Variants in IL1RAPL1 observed in about 807,000 individuals in gnomAD.
IL1RAPL1 encodes the protein interleukin 1 receptor accessory protein like 1, also known as interleukin-1 receptor accessory protein-like 1.
In IL1RAPL1, 3 loss-of-function variants were observed where a neutral mutation model predicts 48.4. The observed-to-expected ratio is 0.06, with a 90% CI of 0.03 to 0.16. The LOEUF is 0.16. Ranked by LOEUF, IL1RAPL1 falls within the 10% of genes least tolerant of loss-of-function variation. The pLI is 1.00. For missense variants in IL1RAPL1, 349 were observed against 530.6 expected (o/e 0.66, Z 3.36); for synonymous variants, 185 against 187.7 (o/e 0.99, Z 0.12).
intron 1 of IL1RAPL1, among the ~76,000 whole-genome samples, chrX:28,735,409 C>T (rs1198904840): frequency 4.4e-5 from 3 of 68,195 alleles, no homozygotes; most frequent in Non-Finnish European, 7.7e-5. Context: ...ATGCAATGTA[C>T]GTGTTCACGC....
chrX:28,641,203 A>G (rs947922160), intron 1 of IL1RAPL1, among the ~76,000 whole-genome samples: 5 of 109,460 alleles, frequency 4.6e-5, no homozygotes, highest in African/African-American at 1.7e-4. Context: ...TCCTAATGCT[A>G]TCCCTCCCCC....
At chrX:29,209,698 T>G (rs1930734307) in intron 2 of IL1RAPL1, among the ~76,000 whole-genome samples, 1 of 112,302 alleles carries the variant, frequency 8.9e-6, no homozygotes, top group South Asian at 3.7e-4. Context: ...AGCACTGTAA[T>G]GAATAGCCTT....
intron 5 of IL1RAPL1, among the ~76,000 whole-genome samples, chrX:29,562,124 A>ATCTG (rs755712777): frequency 0.018 from 835 of 46,991 alleles, 3 homozygotes; most frequent in Non-Finnish European, 0.022. Flanking sequence ...TAATCTATCT[A>ATCTG]TCTATCTATC....
chrX:28,918,556 A>G (rs750837655), intron 2 of IL1RAPL1, among the ~76,000 whole-genome samples: 4 of 112,227 alleles, frequency 3.6e-5, no homozygotes, highest in Non-Finnish European at 7.5e-5. Context: ...AAGTTGGAGG[A>G]CTGATCACAT....
chrX:29,333,899 G>T (rs1370421436), intron 3 of IL1RAPL1, among the ~76,000 whole-genome samples: 16 of 79,999 alleles, frequency 2.0e-4, no homozygotes, highest in African/African-American at 3.4e-4. Flanking sequence ...CTCACCTCCC[G>T]GACGGGGCGG....
intron 5 of IL1RAPL1, among the ~76,000 whole-genome samples, chrX:29,417,636 C>T (rs953310476): frequency 8.1e-5 from 9 of 111,415 alleles, no homozygotes; most frequent in Non-Finnish European, 1.3e-4. Flanking sequence ...TTACAAATAT[C>T]GTGGACAATG....
chrX:29,509,362 A>C (rs1030737369), intron 5 of IL1RAPL1, among the ~76,000 whole-genome samples: 1 of 112,011 alleles, frequency 8.9e-6, no homozygotes, highest in Non-Finnish European at 1.9e-5. Context: ...CTGGTCTACA[A>C]ATATTTTCTC....
At chrX:29,539,561 T>C (rs1207889332) in intron 5 of IL1RAPL1, among the ~76,000 whole-genome samples, 1 of 111,090 alleles carries the variant, frequency 9.0e-6, no homozygotes, top group African/African-American at 3.3e-5. Flanking sequence ...GTGGGTCCTG[T>C]TGGGAGGTGA....
At chrX:29,022,866 C>A (rs1400239667) in intron 2 of IL1RAPL1, among the ~76,000 whole-genome samples, 1 of 111,777 alleles carries the variant, frequency 8.9e-6, no homozygotes, top group African/African-American at 3.3e-5. Flanking sequence ...AAATATTAAA[C>A]AACTATTGAT....
At chrX:29,250,376 A>T (rs1931584153) in intron 2 of IL1RAPL1, among the ~76,000 whole-genome samples, 1 of 112,035 alleles carries the variant, frequency 8.9e-6, no homozygotes, top group African/African-American at 3.2e-5. Context: ...TTCATCTCTG[A>T]TTCCCACCTT....
intron 5 of IL1RAPL1, among the ~76,000 whole-genome samples, chrX:29,601,654 A>G (rs1307605045): frequency 8.9e-6 from 1 of 112,484 alleles, no homozygotes; most frequent in Non-Finnish European, 1.9e-5. Flanking sequence ...TAATATCTGA[A>G]TGAGACTCTG....
intron 2 of IL1RAPL1, among the ~76,000 whole-genome samples, chrX:29,272,203 C>G (rs985182020): frequency 9.0e-6 from 1 of 111,459 alleles, no homozygotes; most frequent in East Asian, 2.8e-4. Context: ...TCTCAAAGAT[C>G]GGATGGTTGT....
At chrX:29,094,771 CAAAAAAAAAAAAAA>C (rs1163805144) in intron 2 of IL1RAPL1, among the ~76,000 whole-genome samples, 1 of 5,907 alleles carries the variant, frequency 1.7e-4, no homozygotes, top group Non-Finnish European at 2.9e-4. Context: ...AACTCCATCT[CAAAAAAAAAAAAAA>C]AAAAAAAAAA....
intron 2 of IL1RAPL1, among the ~76,000 whole-genome samples, chrX:29,200,763 T>G (rs1326835775): frequency 8.9e-6 from 1 of 112,178 alleles, no homozygotes; most frequent in Non-Finnish European, 1.9e-5. Context: ...CACATTAATA[T>G]TACCATAAAA....
chrX:29,058,071 C>G (rs746532033), intron 2 of IL1RAPL1, among the ~76,000 whole-genome samples: 3 of 111,110 alleles, frequency 2.7e-5, no homozygotes, highest in Non-Finnish European at 5.7e-5. Flanking sequence ...TGACTGAAAT[C>G]ATAATGTTAA....
At chrX:29,843,036 T>C (rs1269982531) in intron 6 of IL1RAPL1, among the ~76,000 whole-genome samples, 1 of 112,338 alleles carries the variant, frequency 8.9e-6, no homozygotes, top group East Asian at 2.8e-4. Context: ...TCACTACAGA[T>C]TGCTGTATAT....
At chrX:29,066,419 G>A (rs953741260) in intron 2 of IL1RAPL1, among the ~76,000 whole-genome samples, 1 of 111,927 alleles carries the variant, frequency 8.9e-6, no homozygotes, top group Non-Finnish European at 1.9e-5. Flanking sequence ...CCAAGTTTTT[G>A]TACTACATTA....
intron 3 of IL1RAPL1, among the ~76,000 whole-genome samples, chrX:29,329,500 A>C (rs1360881515): frequency 9.0e-6 from 1 of 111,394 alleles, no homozygotes; most frequent in African/African-American, 3.3e-5. Flanking sequence ...TTTACAATGG[A>C]GTATAATTAG....
At chrX:28,808,251 T>G (rs991205110) in intron 2 of IL1RAPL1, among the ~76,000 whole-genome samples, 20 of 111,330 alleles carry the variant, frequency 1.8e-4, no homozygotes, top group Non-Finnish European at 3.6e-4. Context: ...TCAGATGTTT[T>G]GAGTTAAGAA....
Sources: allele counts gnomAD v4.1 joint callset (sites outside exome capture counted in the v4.1 genomes callset), GRCh38; gene constraint gnomAD v4.1.1; transcripts MANE v1.5; gene names NCBI Gene and HGNC (gene_info 2026-07-23, HGNC 2026-07-21).